SEMA5A: variants seen among roughly 807,000 people sequenced by gnomAD.
SEMA5A encodes the protein semaphorin 5A.
In SEMA5A, 55 loss-of-function variants were observed where a neutral mutation model predicts 135.5. That is an observed-to-expected ratio of 0.41 (90% CI 0.33 to 0.51). The LOEUF (loss-of-function observed/expected upper bound fraction) is 0.51, where lower values mean the gene tolerates loss of function less well. Among genes scored for constraint, SEMA5A ranks in the 20% least tolerant of loss-of-function variants. The pLI, the probability that SEMA5A is intolerant of heterozygous loss-of-function variation, is 0.37. For missense variants in SEMA5A, 1,290 were observed against 1,419.9 expected, an observed-to-expected ratio of 0.91 and a Z score of 1.47; for synonymous variants, 580 against 546.5, an observed-to-expected ratio of 1.06 and a Z score of -0.85.
intron 8 of SEMA5A, among the ~76,000 whole-genome samples, chr5:9,214,469 G>A (rs1043892482): frequency 7.9e-5 from 12 of 152,150 alleles, no homozygotes; most frequent in Non-Finnish European, 7.3e-5. Context: ...AATTGCACCT[G>A]GAACTGCAGT....
At chr5:9,047,980 A>G (rs895655427) in intron 21 of SEMA5A, among the ~76,000 whole-genome samples, 1 of 152,136 alleles carries the variant, frequency 6.6e-6, no homozygotes, top group Admixed American at 6.5e-5. Context: ...AGGAAAGTGA[A>G]CTGCACACGT....
intron 21 of SEMA5A, among the ~76,000 whole-genome samples, chr5:9,044,959 T>C (rs552350096): frequency 4.6e-5 from 7 of 152,094 alleles, no homozygotes; most frequent in African/African-American, 1.7e-4. Context: ...TAATTTTGTA[T>C]TTTTTAGTAG....
intron 1 of SEMA5A, chr5:9,517,012 T>C (rs956742105): frequency 1.3e-5 from 2 of 152,266 alleles, no homozygotes; most frequent in Admixed American, 1.3e-4. Context: ...AGGTTGTCAA[T>C]GTGAACACAG....
intron 6 of SEMA5A, among the ~76,000 whole-genome samples, chr5:9,231,227 A>T (rs40661): frequency 6.6e-6 from 1 of 152,232 alleles, no homozygotes; most frequent in African/African-American, 2.4e-5. Context: ...AGCACTTTGG[A>T]ACGCCAAGGC....
At chr5:9,509,157 A>G (rs200529023) in intron 1 of SEMA5A, among the ~76,000 whole-genome samples, 2 of 7,226 alleles carry the variant, frequency 2.8e-4, no homozygotes, top group Non-Finnish European at 3.4e-3. Flanking sequence ...GGGGTGAAGA[A>G]AAGAGCAGGA....
chr5:9,105,224 G>A (rs1378619039), intron 16 of SEMA5A, among the ~76,000 whole-genome samples: 1 of 152,182 alleles, frequency 6.6e-6, no homozygotes, highest in Non-Finnish European at 1.5e-5. Flanking sequence ...ATAGCTCTTG[G>A]CAAGGGTCCT....
intron 11 of SEMA5A, among the ~76,000 whole-genome samples, chr5:9,178,288 AG>A (rs950190046): frequency 3.9e-4 from 59 of 151,550 alleles, no homozygotes; most frequent in Middle Eastern, 3.4e-3. Context: ...CTCCTGAGTG[AG>A]GAAAAAAAAT....
At chr5:9,451,133 G>A (rs537458667) in intron 1 of SEMA5A, among the ~76,000 whole-genome samples, 28 of 152,146 alleles carry the variant, frequency 1.8e-4, no homozygotes, top group Non-Finnish European at 3.1e-4. Flanking sequence ...GGCTGTTGTC[G>A]GTTACGCTTC....
At chr5:9,396,201 T>C (rs1579471469) in intron 2 of SEMA5A, among the ~76,000 whole-genome samples, 1 of 151,746 alleles carries the variant, frequency 6.6e-6, no homozygotes, top group African/African-American at 2.4e-5. Context: ...TTGGTTGGTA[T>C]GGCTGCTTAA....
At chr5:9,140,066 G>A (rs988738420) in intron 12 of SEMA5A, among the ~76,000 whole-genome samples, 4 of 152,188 alleles carry the variant, frequency 2.6e-5, no homozygotes, top group Non-Finnish European at 5.9e-5. Flanking sequence ...ATAGATGTGA[G>A]TATGGTTTCT....
chr5:9,150,105 C>T (rs561296115), intron 12 of SEMA5A, among the ~76,000 whole-genome samples: 2 of 152,294 alleles, frequency 1.3e-5, no homozygotes, highest in East Asian at 3.9e-4. Flanking sequence ...TCAAGAAGTG[C>T]AGGGATTACA....
chr5:9,459,203 A>G (rs948754030), intron 1 of SEMA5A, among the ~76,000 whole-genome samples: 4 of 152,296 alleles, frequency 2.6e-5, no homozygotes, highest in South Asian at 2.1e-4. Flanking sequence ...ATTTAAACAG[A>G]TTTTAAGGCA....
At chr5:9,162,056 T>C (rs938353076) in intron 11 of SEMA5A, among the ~76,000 whole-genome samples, 5 of 152,368 alleles carry the variant, frequency 3.3e-5, no homozygotes, top group African/African-American at 4.8e-5. Context: ...CAGAAACTTA[T>C]TGATGGACAG....
chr5:9,116,582 C>T (rs1243189399), intron 15 of SEMA5A, among the ~76,000 whole-genome samples: 1 of 152,184 alleles, frequency 6.6e-6, no homozygotes, highest in Non-Finnish European at 1.5e-5. Flanking sequence ...CTGGAGATGT[C>T]CCAGATGAAA....
At chr5:9,530,246 G>GA (rs903728292) in intron 1 of SEMA5A, among the ~76,000 whole-genome samples, 23 of 151,130 alleles carry the variant, frequency 1.5e-4, no homozygotes, top group African/African-American at 4.4e-4. Context: ...GTGTTAAAAA[G>GA]AAAAAAAAAT....
intron 17 of SEMA5A, among the ~76,000 whole-genome samples, chr5:9,064,163 G>A (rs1030342036): frequency 6.6e-6 from 1 of 152,156 alleles, no homozygotes; most frequent in African/African-American, 2.4e-5. Context: ...GTCTGTCTGT[G>A]ATAAATTAGT....
chr5:9,076,055 A>C (rs1371031806), intron 16 of SEMA5A, among the ~76,000 whole-genome samples: 1 of 151,922 alleles, frequency 6.6e-6, no homozygotes, highest in South Asian at 2.1e-4. Flanking sequence ...AAATACAAAA[A>C]TTAGCTGGGC....
chr5:9,347,206 A>G (rs958526506), intron 3 of SEMA5A, among the ~76,000 whole-genome samples: 3 of 152,212 alleles, frequency 2.0e-5, no homozygotes, highest in African/African-American at 7.2e-5. Flanking sequence ...AAATGCAAGC[A>G]GTGCTTTTTC....
At chr5:9,351,948 T>C (rs1754137344) in intron 3 of SEMA5A, among the ~76,000 whole-genome samples, 1 of 152,216 alleles carries the variant, frequency 6.6e-6, no homozygotes, top group Non-Finnish European at 1.5e-5. Context: ...TTTTCACTTC[T>C]CTCTCATCGT....
Sources: gnomAD v4.1 joint callset for allele counts (sites outside exome capture counted in the v4.1 genomes callset) on GRCh38, gnomAD v4.1.1 for gene constraint, MANE v1.5 for transcripts, NCBI Gene and HGNC (gene_info 2026-07-23, HGNC 2026-07-21) for gene names.